Variants in GRM8 observed in about 807,000 individuals in gnomAD.
GRM8 encodes glutamate metabotropic receptor 8, also known as metabotropic glutamate receptor 8.
A neutral mutation model predicts 87.2 loss-of-function variants in GRM8; 47 were observed. That is an observed-to-expected ratio of 0.54 (90% CI 0.43 to 0.69). GRM8 has a LOEUF of 0.69. GRM8 is among the 30% of genes least tolerant of loss of function. The pLI, the probability that GRM8 is intolerant of heterozygous loss-of-function variation, is 0.00. For missense variants in GRM8, 1,019 were observed against 1,139.2 expected, an observed-to-expected ratio of 0.89 and a Z score of 1.52; for synonymous variants, 396 against 404.5, an observed-to-expected ratio of 0.98 and a Z score of 0.25.
At chr7:126,994,163 G>C (rs1232303022) in intron 3 of GRM8, among the ~76,000 whole-genome samples, 4 of 152,186 alleles carry the variant, frequency 2.6e-5, no homozygotes, top group African/African-American at 9.7e-5. Context: ...ACATAGGGTA[G>C]ATCAGTGGGC....
chr7:127,014,945 A>G (rs200673430), intron 3 of GRM8, among the ~76,000 whole-genome samples: 196 of 110,786 alleles, frequency 1.8e-3, no homozygotes, highest in East Asian at 8.1e-3. Flanking sequence ...GAGAGAGAGA[A>G]AGAGAGAGAG....
intron 2 of GRM8, among the ~76,000 whole-genome samples, chr7:127,119,175 G>A (rs1218163709): frequency 2.0e-5 from 3 of 152,044 alleles, no homozygotes; most frequent in South Asian, 2.1e-4. Flanking sequence ...TACAACAGGC[G>A]ATGGGGAGCA....
At chr7:126,799,739 G>A (rs1254267855) in intron 6 of GRM8, among the ~76,000 whole-genome samples, 1 of 152,088 alleles carries the variant, frequency 6.6e-6, no homozygotes, top group Non-Finnish European at 1.5e-5. Flanking sequence ...AGTGTGGCAG[G>A]CATTCTATAA....
intron 7 of GRM8, among the ~76,000 whole-genome samples, chr7:126,726,005 T>C (rs1585680643): frequency 6.6e-6 from 1 of 152,174 alleles, no homozygotes; most frequent in Admixed American, 6.5e-5. Flanking sequence ...AGAGATTACA[T>C]TTCAACATCA....
chr7:126,497,964 A>G (rs1809029953), intron 9 of GRM8, among the ~76,000 whole-genome samples: 1 of 152,006 alleles, frequency 6.6e-6, no homozygotes, highest in Non-Finnish European at 1.5e-5. Context: ...GGAGTGCAAC[A>G]GAAATACATT....
At chr7:126,583,228 C>T (rs541951849) in intron 8 of GRM8, among the ~76,000 whole-genome samples, 37 of 151,760 alleles carry the variant, frequency 2.4e-4, no homozygotes, top group African/African-American at 8.2e-4. Flanking sequence ...TGGTCATGCG[C>T]GCCTGTAGTC....
intron 2 of GRM8, among the ~76,000 whole-genome samples, chr7:127,235,977 T>C (rs1240034146): frequency 1.9e-5 from 2 of 105,476 alleles, no homozygotes; most frequent in Admixed American, 9.5e-5. Flanking sequence ...ATACTATGTA[T>C]TGCTTAAACC....
chr7:126,940,856 A>G (rs994847198), intron 3 of GRM8, among the ~76,000 whole-genome samples: 1 of 152,202 alleles, frequency 6.6e-6, no homozygotes, highest in Non-Finnish European at 1.5e-5. Flanking sequence ...CTAAGAGCCC[A>G]GCCTGGAGCC....
intron 6 of GRM8, among the ~76,000 whole-genome samples, chr7:126,846,731 AAG>A (rs1350526848): frequency 1.3e-5 from 2 of 152,130 alleles, no homozygotes; most frequent in Non-Finnish European, 2.9e-5. Context: ...AAAAAGAAGG[AAG>A]AGAGAAGGAA....
chr7:126,915,786 C>T (rs1428185295), intron 3 of GRM8, among the ~76,000 whole-genome samples: 1 of 152,144 alleles, frequency 6.6e-6, no homozygotes, highest in Non-Finnish European at 1.5e-5. Context: ...AGAGAGAAAA[C>T]CCAGTCCAGA....
At chr7:126,481,776 G>T (rs1437618409) in intron 9 of GRM8, among the ~76,000 whole-genome samples, 1 of 151,976 alleles carries the variant, frequency 6.6e-6, no homozygotes, top group African/African-American at 2.4e-5. Context: ...GTTGAAATCT[G>T]AATAAAGTTG....
At chr7:126,786,714 T>C (rs1820660311) in intron 6 of GRM8, among the ~76,000 whole-genome samples, 1 of 152,200 alleles carries the variant, frequency 6.6e-6, no homozygotes, top group Non-Finnish European at 1.5e-5. Context: ...TAAGAACTAG[T>C]TGTTCTACTC....
chr7:126,872,341 A>T (rs1202705008), intron 6 of GRM8, among the ~76,000 whole-genome samples: 1 of 152,142 alleles, frequency 6.6e-6, no homozygotes, highest in Non-Finnish European at 1.5e-5. Context: ...TTAGAACCAT[A>T]GGGAAAAAGC....
chr7:127,041,209 C>A (rs1818397336), intron 3 of GRM8, among the ~76,000 whole-genome samples: 1 of 152,146 alleles, frequency 6.6e-6, no homozygotes, highest in Non-Finnish European at 1.5e-5. Context: ...AGCAGGGGAA[C>A]AAAATGGGGC....
At chr7:127,085,262 G>C (rs11772967) in intron 3 of GRM8, among the ~76,000 whole-genome samples, 7 of 152,030 alleles carry the variant, frequency 4.6e-5, no homozygotes, top group African/African-American at 1.7e-4. Flanking sequence ...GAATAGTGCC[G>C]CAATAAACAT....
intron 7 of GRM8, among the ~76,000 whole-genome samples, chr7:126,660,425 A>G (rs1455575647): frequency 1.3e-5 from 2 of 152,218 alleles, no homozygotes; most frequent in Non-Finnish European, 2.9e-5. Context: ...ATATCTACGA[A>G]CATTATTTTA....
intron 3 of GRM8, among the ~76,000 whole-genome samples, chr7:127,077,891 C>T (rs1212624741): frequency 1.3e-5 from 2 of 152,186 alleles, no homozygotes; most frequent in Non-Finnish European, 2.9e-5. Flanking sequence ...GAACATTTAA[C>T]AATATCTCAA....
intron 6 of GRM8, among the ~76,000 whole-genome samples, chr7:126,828,958 T>C (rs1795085237): frequency 6.6e-6 from 1 of 152,242 alleles, no homozygotes; most frequent in Admixed American, 6.5e-5. Flanking sequence ...TTTCGTTATG[T>C]ACCCAGTAGT....
At chr7:126,736,791 T>C (rs1814280391) in intron 7 of GRM8, among the ~76,000 whole-genome samples, 1 of 152,094 alleles carries the variant, frequency 6.6e-6, no homozygotes, top group South Asian at 2.1e-4. Flanking sequence ...GGCATCACAG[T>C]AATACTGTTG....
Sources: gnomAD v4.1 joint callset for allele counts (sites outside exome capture counted in the v4.1 genomes callset) on GRCh38, gnomAD v4.1.1 for gene constraint, MANE v1.5 for transcripts, NCBI Gene and HGNC (gene_info 2026-07-23, HGNC 2026-07-21) for gene names.